APBB2: variants seen among roughly 807,000 people sequenced by gnomAD.
APBB2 encodes amyloid beta precursor protein binding family B member 2, also known as Fe65-like 1.
Under a neutral mutation model 82.5 loss-of-function variants are expected in APBB2, and 38 were observed. That is an observed-to-expected ratio of 0.46 (90% confidence interval 0.36 to 0.60). APBB2 has a LOEUF of 0.60. Ranked by LOEUF, APBB2 falls within the 20% of genes least tolerant of loss-of-function variation. The pLI, the probability that APBB2 is intolerant of heterozygous loss-of-function variation, is 0.00. For synonymous variants in APBB2, 341 were observed against 368.2 expected (o/e 0.93, Z 0.85); for missense variants, 772 against 972.3 (o/e 0.79, Z 2.74).
intron 4 of APBB2, among the ~76,000 whole-genome samples, chr4:41,057,863 C>G (rs549558797): frequency 6.6e-6 from 1 of 152,318 alleles, no homozygotes; most frequent in South Asian, 2.1e-4. Flanking sequence ...GGCATTTCCT[C>G]CCCGCTCTTC....
At chr4:41,130,860 G>C (rs1262925300) in intron 2 of APBB2, among the ~76,000 whole-genome samples, 1 of 152,006 alleles carries the variant, frequency 6.6e-6, no homozygotes, top group Non-Finnish European at 1.5e-5. Flanking sequence ...TTCCTAGGAT[G>C]GTCTGACTCA....
chr4:41,005,486 G>T (rs747755441), intron 6 of APBB2, among the ~76,000 whole-genome samples: 2 of 151,980 alleles, frequency 1.3e-5, no homozygotes, highest in Non-Finnish European at 2.9e-5. Context: ...GAAAATTTCT[G>T]AAAGTGTCCA....
At chr4:40,934,406 A>G in intron 10 of APBB2, 50 bp downstream of exon 10, 1 of 1,533,224 alleles carries the variant, frequency 6.5e-7, no homozygotes, top group Middle Eastern at 1.7e-4. Flanking sequence ...CAAAGTCATT[A>G]TTTGGATCTA....
intron 1 of APBB2, among the ~76,000 whole-genome samples, chr4:41,183,879 G>A (rs1250568132): frequency 6.6e-6 from 1 of 152,028 alleles, no homozygotes; most frequent in African/African-American, 2.4e-5. Context: ...GCGCACTACA[G>A]TTATTGTGCA....
intron 2 of APBB2, among the ~76,000 whole-genome samples, chr4:41,122,491 T>C (rs902988926): frequency 2.0e-5 from 3 of 152,130 alleles, no homozygotes; most frequent in Admixed American, 2.0e-4. Flanking sequence ...TAGAGTCCAT[T>C]GTCTTCCCAT....
At chr4:41,074,679 G>A (rs577610256) in intron 3 of APBB2, among the ~76,000 whole-genome samples, 53 of 148,906 alleles carry the variant, frequency 3.6e-4, no homozygotes, top group African/African-American at 1.1e-3. Context: ...GCACCATCTC[G>A]GCTCACTGCC....
intron 1 of APBB2, among the ~76,000 whole-genome samples, chr4:41,196,978 T>C: frequency 6.6e-6 from 1 of 152,150 alleles, no homozygotes; most frequent in Non-Finnish European, 1.5e-5. Flanking sequence ...GTATTAGTTC[T>C]GAACATAGAC....
intron 7 of APBB2, among the ~76,000 whole-genome samples, chr4:40,939,333 A>G (rs967543380): frequency 1.3e-5 from 2 of 152,196 alleles, no homozygotes; most frequent in Admixed American, 1.3e-4. Flanking sequence ...ATGTGCAGAC[A>G]AAGTGAGATT....
At chr4:40,863,776 C>T (rs1338930458) in intron 12 of APBB2, among the ~76,000 whole-genome samples, 4 of 151,252 alleles carry the variant, frequency 2.6e-5, no homozygotes, top group Non-Finnish European at 4.4e-5. Flanking sequence ...GCCAGTAATC[C>T]CAGCTACTCA....
chr4:41,191,726 A>T lies in APBB2; in HGVS notation c.-417+22679T>A, dbSNP rs141932760. Among the ~76,000 whole-genome samples the T allele has an allele frequency of 3.3e-3, 496 of 152,352 alleles. 1 individual carries two copies. The highest frequency in any genetic ancestry group is 7.4e-3 in the South Asian group (36 of 4,834). ...ACTGGCCTTGGCAATGATTTTTTGG[A>T]TATGACGCCAAAAGCCTGGGTCATA... On this transcript the variant is annotated intron_variant, in intron 1 of 17. Coordinates refer to ENST00000508593, the MANE Select transcript of APBB2 (RefSeq NM_004307.2).
At chr4:41,015,801 C>A (rs1457931938) in intron 5 of APBB2, among the ~76,000 whole-genome samples, 1 of 152,120 alleles carries the variant, frequency 6.6e-6, no homozygotes, top group Non-Finnish European at 1.5e-5. Context: ...CTCACCTTAG[C>A]TCTTAGGCCT....
intron 12 of APBB2, among the ~76,000 whole-genome samples, chr4:40,833,506 T>C (rs1378666932): frequency 6.6e-6 from 1 of 152,140 alleles, no homozygotes; most frequent in Non-Finnish European, 1.5e-5. Context: ...ACCCTGCTTG[T>C]ATCAAAATGC....
chr4:41,093,575 C>A (rs1036020669), intron 3 of APBB2, among the ~76,000 whole-genome samples: 2 of 152,074 alleles, frequency 1.3e-5, no homozygotes, highest in Non-Finnish European at 2.9e-5. Flanking sequence ...TAAGAAGGGC[C>A]GGGCGCGGTG....
rs375122726 is a variant in APBB2, at chr4:41,086,635, T to A, written c.-149+14004A>T. On this transcript the variant is annotated intron_variant, in intron 3 of 17. Transcript: ENST00000508593. ...AGCAAACTTTCATGATAAAAAACAT[T>A]CAACGAATTAGGAACAGAAGGAAAC... Among the ~76,000 whole-genome samples, 209 of 152,160 alleles carry A rather than the reference T, an allele frequency of 1.4e-3. 7 individuals carry two copies. The South Asian group carries it at 0.04, about 29-fold the overall frequency.
intron 6 of APBB2, among the ~76,000 whole-genome samples, chr4:41,013,205 C>T (rs1808880434): frequency 6.6e-6 from 1 of 152,178 alleles, no homozygotes; most frequent in Non-Finnish European, 1.5e-5. Context: ...CTTCCCCCAA[C>T]AACTTTGTTT....
intron 4 of APBB2, among the ~76,000 whole-genome samples, chr4:41,042,035 G>C (rs34176594): frequency 6.6e-6 from 1 of 151,914 alleles, no homozygotes; most frequent in East Asian, 1.9e-4. Context: ...CTGTCACCCA[G>C]GCTGGAGTGC....
At chr4:41,012,824 A>G (rs188690119) in intron 6 of APBB2, among the ~76,000 whole-genome samples, 288 of 152,212 alleles carry the variant, frequency 1.9e-3, no homozygotes, top group African/African-American at 6.6e-3. Context: ...ACATTTTTCA[A>G]TCTTAGAATC....
chr4:41,197,751 TCA>T, intron 1 of APBB2, among the ~76,000 whole-genome samples: 1 of 152,228 alleles, frequency 6.6e-6, no homozygotes, highest in Non-Finnish European at 1.5e-5. Flanking sequence ...GGAGATTTAA[TCA>T]CACTCTTCTT....
At position 40,815,887 on chromosome 4, in the gene APBB2, CA is replaced by C. The variant is rs552551899; in HGVS notation, c.*204del. 284 of 581,880 alleles carry C rather than the reference CA, an allele frequency of 4.9e-4. No homozygotes were observed. The highest frequency in any genetic ancestry group is 8.2e-4 in the South Asian group (31 of 37,940). The allele number at this position is 581,880 out of a possible 1,614,324, so 36.0% of individuals were successfully genotyped here. A position where few individuals can be genotyped will look rare whatever the true frequency, so the allele number is the denominator to read the frequency against. ...CCACTGCGCATGATGTAACTTACAG[CA>C]AAAAAAATTATTCATGCTTCTTTTC... On this transcript the variant is annotated 3_prime_UTR_variant, in exon 18 of 18. Coordinates refer to ENST00000508593, the MANE Select transcript of APBB2 (RefSeq NM_004307.2).
Sources: allele counts gnomAD v4.1 joint callset (sites outside exome capture counted in the v4.1 genomes callset), GRCh38; gene constraint gnomAD v4.1.1; transcripts MANE v1.5; gene names NCBI Gene and HGNC (gene_info 2026-07-23, HGNC 2026-07-21).